Variants in MROH7 observed in about 807,000 individuals in gnomAD.
MROH7 encodes maestro heat-like repeat-containing protein family member 7.
A neutral mutation model predicts 129.2 loss-of-function variants in MROH7; 113 were observed. The ratio of observed to expected loss-of-function variants is 0.87; its 90% CI spans 0.75 to 1.02. The LOEUF (loss-of-function observed/expected upper bound fraction) is 1.02. Ranked by LOEUF, MROH7 falls within the 50% of genes least tolerant of loss-of-function variation. MROH7 has a pLI of 0.00. For missense variants in MROH7, 1,601 were observed against 1,671.3 expected, an observed-to-expected ratio of 0.96 and a Z score of 0.73; for synonymous variants, 655 against 667.9, an observed-to-expected ratio of 0.98 and a Z score of 0.30.
intron 15 of MROH7, 49 bp downstream of exon 15, chr1:54,686,497 G>A (rs1645150841): frequency 1.5e-5 from 24 of 1,557,962 alleles, no homozygotes; most frequent in Non-Finnish European, 2.0e-5. Flanking sequence ...TGGTGGGAAG[G>A]GCCATCCAGT....
rs1352258014 is a variant in MROH7, at chr1:54,656,530, C to CT, written c.1231+2381dup. 2.8e-3 allele frequency among the ~76,000 whole-genome samples: 309 copies of CT among 109,516 alleles called. 5 individuals are homozygous for CT. The highest frequency in any genetic ancestry group is 0.014 in the Middle Eastern group (2 of 142). The allele number at this position is 109,516 out of a possible 152,430, so 71.8% of individuals were successfully genotyped here. The stretch of plus-strand genomic sequence containing the variant: ...ATCTCAAAAAAAAAAAAAAAAAAAG[C>CT]TTTTTTTTCAGGCTGGGCGCGGTGG... On this transcript the variant is annotated intron_variant, in intron 3 of 23. Transcript: ENST00000421030.
chr1:54,659,107 T>A (rs1157565720), intron 3 of MROH7: 1 of 444,588 alleles, frequency 2.2e-6, no homozygotes, highest in South Asian at 1.6e-5. Context: ...TGTTTTGTTT[T>A]TTTTTAGATG....
Position 54,708,975 on chromosome 1 carries a change from C to T in MROH7, c.3668-39C>T, listed in dbSNP as rs539285872. 3.9e-4 allele frequency: 629 copies of T among 1,605,780 alleles called. 2 individuals carry two copies. Among genetic ancestry groups the T allele is most frequent in the Non-Finnish European group, 4.6e-4 (536 of 1,172,486 alleles). ...GGGTGGGTTGGGGTGGGGTCGACGT[C>T]GGAAGACAAATGCCCTCACTTCTTG... On this transcript the variant is annotated intron_variant, in intron 22 of 23. Coordinates refer to ENST00000421030, the MANE Select transcript of MROH7 (RefSeq NM_001039464.4).
chr1:54,679,840 G>C, intron 12 of MROH7, 51 bp from the exon 13 acceptor site: 1 of 1,561,498 alleles, frequency 6.4e-7, no homozygotes, highest in Non-Finnish European at 8.7e-7. Flanking sequence ...TGCTGCCCCC[G>C]TGCTTCCCTT....
intron 3 of MROH7, among the ~76,000 whole-genome samples, chr1:54,660,944 C>A (rs1345992917): frequency 6.7e-6 from 1 of 148,968 alleles, no homozygotes; most frequent in African/African-American, 2.5e-5. Flanking sequence ...TGTTAAGCAT[C>A]TTTTTACATG....
chr1:54,685,774 G>A (rs184419343), intron 14 of MROH7, among the ~76,000 whole-genome samples: 48 of 152,288 alleles, frequency 3.2e-4, no homozygotes, highest in Middle Eastern at 3.4e-3. Flanking sequence ...GGGTGAAGAG[G>A]CCAGCCTGGT....
chr1:54,673,060 C>T (rs1644925982), intron 7 of MROH7, 31 bp from the exon 8 acceptor site: 1 of 1,559,738 alleles, frequency 6.4e-7, no homozygotes, highest in Non-Finnish European at 8.8e-7. Flanking sequence ...CCAGAGGTGC[C>T]TTAGTGGCTT....
intron 1 of MROH7, among the ~76,000 whole-genome samples, chr1:54,647,477 C>T (rs1040368061): frequency 2.6e-5 from 4 of 151,918 alleles, no homozygotes; most frequent in East Asian, 1.9e-4. Context: ...TGGTGGCTCA[C>T]GCCTGTAATC....
At chr1:54,655,472 G>A (rs1463992129) in intron 3 of MROH7, among the ~76,000 whole-genome samples, 1 of 152,000 alleles carries the variant, frequency 6.6e-6, no homozygotes, top group East Asian at 1.9e-4. Context: ...CTTGACTCAA[G>A]AGACCCTCCT....
intron 15 of MROH7, among the ~76,000 whole-genome samples, chr1:54,687,474 T>C (rs1314167879): frequency 2.6e-5 from 4 of 152,366 alleles, no homozygotes; most frequent in Non-Finnish European, 4.4e-5. Flanking sequence ...TTTCGGGGCT[T>C]TCCAGCCATT....
intron 10 of MROH7, among the ~76,000 whole-genome samples, chr1:54,677,897 A>C (rs1036977264): frequency 2.0e-5 from 3 of 152,196 alleles, no homozygotes; most frequent in Non-Finnish European, 4.4e-5. Context: ...TAAGATAGTA[A>C]ACAAAATAAA....
chr1:54,707,031 T>A (rs77028898), intron 22 of MROH7, among the ~76,000 whole-genome samples: 1,893 of 152,204 alleles, frequency 0.012, 42 homozygotes, highest in African/African-American at 0.043. Context: ...AATGAGAATA[T>A]TTTTTAAAAG....
In MROH7 at chr1:54,665,181, G is replaced by T. The variant is rs767080704; in HGVS notation, c.1246G>T (p.Val416Leu). 1 of 1,613,874 alleles carries T rather than the reference G, an allele frequency of 6.2e-7. No homozygotes were observed. Among genetic ancestry groups the T allele is most frequent in the East Asian group, 2.2e-5 (1 of 44,862 alleles). ...QGIPEGAFDEVTSCLVKVPEK... is the reference protein window; with the variant it reads ...QGIPEGAFDELTSCLVKVPEK... ...GTGCCCTGCAGGAGCCTTTGATGAA[G>T]TGACCTCATGCCTGGTGAAGGTGCC... The change falls in exon 4 of 24, where the codon GTG becomes TTG. Residue 416 changes from valine (V) to leucine (L), a missense_variant. By Grantham distance (32) the Val-to-Leu change is conservative (BLOSUM62 1). Transcript: ENST00000421030.
chr1:54,652,907 G>A lies in MROH7; in HGVS notation c.-20G>A. On this transcript the variant is annotated 5_prime_UTR_variant, in exon 3 of 24. It removes the in-frame stop codon of an upstream open reading frame in the 5' UTR. Transcript: ENST00000421030. ...TTGGAGAGAAGCGGGCACTGGCATT[G>A]AGAGACCTCCAGACTGGACATGGCC... 6.5e-7 allele frequency: 1 copy of A among 1,542,192 alleles called. No homozygotes were observed. The highest frequency in any genetic ancestry group is 8.7e-7 in the Non-Finnish European group (1 of 1,148,096).
chr1:54,702,281 C>G, intron 20 of MROH7, 36 bp downstream of exon 20: 18 of 1,383,684 alleles, frequency 1.3e-5, no homozygotes, highest in Non-Finnish European at 1.7e-5. Context: ...TCTACCCCTC[C>G]CTCGGGTCCT....
At chr1:54,704,704 C>T (rs968661566) in intron 21 of MROH7, among the ~76,000 whole-genome samples, 1 of 151,522 alleles carries the variant, frequency 6.6e-6, no homozygotes, top group African/African-American at 2.4e-5. Flanking sequence ...CCTCTGCCTC[C>T]CAAAGTGCTG....
At chr1:54,685,420 G>A (rs1424510249) in intron 14 of MROH7, among the ~76,000 whole-genome samples, 3 of 152,244 alleles carry the variant, frequency 2.0e-5, no homozygotes, top group Non-Finnish European at 4.4e-5. Flanking sequence ...GGGCTGGCCG[G>A]ATGATGATCA....
chr1:54,694,714 C>T (rs1645293371), intron 16 of MROH7, among the ~76,000 whole-genome samples: 1 of 152,192 alleles, frequency 6.6e-6, no homozygotes, highest in South Asian at 2.1e-4. Flanking sequence ...AAATGATCTG[C>T]CCGTCTCAGC....
chr1:54,678,763 C>T lies in MROH7; in HGVS notation c.1958C>T (p.Thr653Ile), dbSNP rs753717399. The T allele has an allele frequency of 1.2e-6, 2 of 1,613,944 alleles. No individual in the cohort carries two copies. Among genetic ancestry groups the T allele is most frequent in the Non-Finnish European group, 1.7e-6 (2 of 1,179,892 alleles). ...GCAGGAGCCAGAGATAAGGAAGAGA[C>T]CAACAAAAAGGAGCTATATGAGAGC... ...LQKRARDKEE[T>I]NKKELYESNK... The change falls in exon 11 of 24, where the codon ACC (threonine) becomes ATC (isoleucine). Residue 653 changes from threonine (T) to isoleucine (I), a missense_variant. Transcript: ENST00000421030.
Sources: gnomAD v4.1 joint callset for allele counts (sites outside exome capture counted in the v4.1 genomes callset) on GRCh38, gnomAD v4.1.1 for gene constraint, MANE v1.5 for transcripts, NCBI Gene and HGNC (gene_info 2026-07-23, HGNC 2026-07-21) for gene names.